Variants in GSTA1 observed in about 807,000 individuals in gnomAD.
GSTA1 encodes glutathione S-transferase alpha 1, also known as glutathione S-transferase A1.
A neutral mutation model predicts 21.5 loss-of-function variants in GSTA1; 23 were observed. The observed-to-expected ratio is 1.07, with a 90% confidence interval of 0.77 to 1.52. GSTA1 has a LOEUF of 1.52. Ranked by LOEUF, GSTA1 falls within the 40% of genes most tolerant of loss-of-function variation. The pLI, the probability that GSTA1 is intolerant of heterozygous loss-of-function variation, is 0.00. For missense variants in GSTA1, 301 were observed against 264.2 expected, an observed-to-expected ratio of 1.14 and a Z score of -0.96; for synonymous variants, 125 against 90.0, an observed-to-expected ratio of 1.39 and a Z score of -2.20.
intron 4 of GSTA1, among the ~76,000 whole-genome samples, chr6:52,794,750 T>G (rs1763537672): frequency 6.6e-6 from 1 of 152,208 alleles, no homozygotes; most frequent in Non-Finnish European, 1.5e-5. Context: ...GCCCCATATT[T>G]GCAGTTCTTT....
chr6:52,796,543 A>ATTTTTTTTT (rs34109072), intron 3 of GSTA1, among the ~76,000 whole-genome samples: 7 of 23,774 alleles, frequency 2.9e-4, no homozygotes, highest in Non-Finnish European at 7.5e-4. Flanking sequence ...ATATATATAT[A>ATTTTTTTTT]TTTTTTTTTT....
chr6:52,794,064 C>T, intron 5 of GSTA1, 61 bp downstream of exon 5: 2 of 1,601,434 alleles, frequency 1.2e-6, no homozygotes, highest in South Asian at 1.1e-5. Context: ...GAATGCCCAG[C>T]CACTATTTTT....
chr6:52,802,597 T>C (rs956409790), intron 1 of GSTA1, among the ~76,000 whole-genome samples: 16 of 152,160 alleles, frequency 1.1e-4, no homozygotes, highest in African/African-American at 3.9e-4. Context: ...TATCTATCCA[T>C]CAATTATTTT....
chr6:52,793,061 T>G, intron 5 of GSTA1, 74 bp from the exon 6 acceptor site: 1 of 1,606,332 alleles, frequency 6.2e-7, no homozygotes, highest in Non-Finnish European at 8.5e-7. Flanking sequence ...TCGGAGCCTC[T>G]CCACCCTGAC....
In GSTA1 at chr6:52,796,543, A is replaced by ATATATTTTT. The variant is rs1300549721; in HGVS notation, c.140-230_140-229insAAAAATATA. 1.6e-3 allele frequency among the ~76,000 whole-genome samples: 37 copies of ATATATTTTT among 23,754 alleles called. 3 individuals are homozygous for ATATATTTTT. Among genetic ancestry groups the ATATATTTTT allele is most frequent in the Middle Eastern group, 0.026 (1 of 38 alleles). 15.6% of individuals were successfully genotyped at this position (23,754 alleles called of 152,430 possible). ...TGTGTGTGTGTGTATATATATATAT[A>ATATATTTTT]TTTTTTTTTTTTTTTTTTTTGGCAG... On this transcript the variant is annotated intron_variant, in intron 3 of 6. Coordinates refer to ENST00000334575, the MANE Select transcript of GSTA1 (RefSeq NM_145740.5).
Position 52,794,129 on chromosome 6 carries a change from T to C in GSTA1, c.410A>G (p.Glu137Gly). 6.2e-7 allele frequency: 1 copy of C among 1,613,854 alleles called. No individual in the cohort carries two copies. Among genetic ancestry groups the C allele is most frequent in the Non-Finnish European group, 8.5e-7 (1 of 1,179,798 alleles). ...ACACTGAACTGCTTCACTTACTTTT[T>C]CAAAGGCAGGGAAGTAGCGATTTTT... ...KIKNRYFPAFEKVLKSHGQDY... is the reference protein window; with the variant it reads ...KIKNRYFPAFGKVLKSHGQDY... The change falls in exon 5 of 7, where the codon GAA (glutamate) becomes GGA (glycine). Residue 137 changes from glutamate (E) to glycine (G), a missense_variant. Transcript: ENST00000334575.
chr6:52,796,544 T>TACATA (rs371040479), intron 3 of GSTA1, among the ~76,000 whole-genome samples: 1 of 40,450 alleles, frequency 2.5e-5, no homozygotes, highest in Non-Finnish European at 5.6e-5. Context: ...TATATATATA[T>TACATA]TTTTTTTTTT....
Position 52,794,351 on chromosome 6 carries a change from A to T in GSTA1, c.273-85T>A, listed in dbSNP as rs945800319. ...TAAAAACCTAAGGGAGTAGAGTATC[A>T]GGTGATGGCAAAATAATTCACCTCC... On this transcript the variant is annotated intron_variant, in intron 4 of 6. Transcript: ENST00000334575. 56 of 1,368,526 alleles carry T rather than the reference A, an allele frequency of 4.1e-5. No individual in the cohort carries two copies. The African/African-American group carries it at 6.7e-4, about 16-fold the overall frequency. The allele number at this position is 1,368,526 out of a possible 1,614,324, so 84.8% of individuals were successfully genotyped here. A position where few individuals can be genotyped will look rare whatever the true frequency, so the allele number is the denominator to read the frequency against.
intron 1 of GSTA1, among the ~76,000 whole-genome samples, chr6:52,801,322 C>T (rs1581799437): frequency 1.3e-5 from 2 of 152,198 alleles, no homozygotes; most frequent in Non-Finnish European, 2.9e-5. Flanking sequence ...AATCAACTCA[C>T]CTGTTTTGTC....
At chr6:52,792,608 G>A (rs1763483753) in intron 6 of GSTA1, 2 of 786,598 alleles carry the variant, frequency 2.5e-6, no homozygotes, top group South Asian at 3.7e-5. Flanking sequence ...AGAGATGCTG[G>A]GCCCTGGGTT....
At chr6:52,802,865 C>G (rs1206472860) in intron 1 of GSTA1, among the ~76,000 whole-genome samples, 7 of 152,030 alleles carry the variant, frequency 4.6e-5, no homozygotes, top group African/African-American at 1.5e-4. Flanking sequence ...CTCTCTCTTT[C>G]CTTTTTAGCT....
At chr6:52,798,280 G>A (rs1338030612) in intron 2 of GSTA1, among the ~76,000 whole-genome samples, 1 of 148,988 alleles carries the variant, frequency 6.7e-6, no homozygotes. Context: ...ATGTGGTTTT[G>A]TGGCATTGGG....
At chr6:52,799,585 G>A (rs868054913) in intron 1 of GSTA1, among the ~76,000 whole-genome samples, 1 of 152,186 alleles carries the variant, frequency 6.6e-6, no homozygotes, top group Admixed American at 6.5e-5. Flanking sequence ...GTTATTGGAA[G>A]AGGAAGAATT....
chr6:52,798,920 T>A (rs1179924166), intron 2 of GSTA1, among the ~76,000 whole-genome samples: 1 of 152,254 alleles, frequency 6.6e-6, no homozygotes, highest in Admixed American at 6.5e-5. Flanking sequence ...TAAATTATTC[T>A]TTACAGTTTG....
intron 1 of GSTA1, among the ~76,000 whole-genome samples, chr6:52,802,711 T>C (rs1377521552): frequency 1.3e-5 from 2 of 152,230 alleles, no homozygotes; most frequent in Non-Finnish European, 2.9e-5. Context: ...TATCTCTTTG[T>C]AATCTGTCTC....
intron 5 of GSTA1, 134 bp from the exon 6 acceptor site, chr6:52,793,121 T>C: frequency 2.4e-6 from 3 of 1,225,070 alleles, no homozygotes; most frequent in Non-Finnish European, 3.5e-6. Context: ...TCCAGAGCTT[T>C]CTCCACATTA....
At chr6:52,792,120 C>T (rs1763473561) in intron 6 of GSTA1, 140 bp from the exon 7 acceptor site, 11 of 1,219,670 alleles carry the variant, frequency 9.0e-6, no homozygotes, top group Non-Finnish European at 1.3e-5. Flanking sequence ...GAAACAGACA[C>T]CCAGTGAGAA....
At chr6:52,799,897 G>T (rs540021952) in intron 1 of GSTA1, among the ~76,000 whole-genome samples, 1 of 152,230 alleles carries the variant, frequency 6.6e-6, no homozygotes, top group Admixed American at 6.5e-5. Context: ...GGGAGGACCG[G>T]CAGGGAGCTA....
At chr6:52,795,257 G>A (rs1041534660) in intron 4 of GSTA1, among the ~76,000 whole-genome samples, 26 of 152,190 alleles carry the variant, frequency 1.7e-4, no homozygotes, top group Middle Eastern at 3.4e-3. Flanking sequence ...TATGTAACAT[G>A]TCTTATGGCT....
Sources: allele counts gnomAD v4.1 joint callset (sites outside exome capture counted in the v4.1 genomes callset), GRCh38; gene constraint gnomAD v4.1.1; transcripts MANE v1.5; gene names NCBI Gene and HGNC (gene_info 2026-07-23, HGNC 2026-07-21).